MAST4: variants seen among roughly 807,000 people sequenced by gnomAD.
MAST4 encodes the protein microtubule associated serine/threonine kinase family member 4.
Under a neutral mutation model 162.7 loss-of-function variants are expected in MAST4, and 89 were observed. The observed-to-expected ratio is 0.55, with a 90% confidence interval of 0.46 to 0.65. MAST4 has a LOEUF of 0.65. Among genes scored for constraint, MAST4 ranks in the 30% least tolerant of loss-of-function variants. MAST4 has a pLI of 0.00. For missense variants in MAST4, 3,153 were observed against 3,374.0 expected (o/e 0.93, Z 1.62); for synonymous variants, 1,479 against 1,361.1 (o/e 1.09, Z -1.91).
intron 1 of MAST4, among the ~76,000 whole-genome samples, chr5:66,742,981 T>C (rs767195717): frequency 6.6e-6 from 1 of 152,194 alleles, no homozygotes; most frequent in Non-Finnish European, 1.5e-5. Context: ...TAATTGTGAA[T>C]AGTAGCTTGC....
chr5:67,057,407 C>G (rs1247741658), intron 5 of MAST4, among the ~76,000 whole-genome samples: 1 of 151,980 alleles, frequency 6.6e-6, no homozygotes, highest in Non-Finnish European at 1.5e-5. Context: ...TCATCACGGA[C>G]ACATCGTTTG....
chr5:66,968,828 T>A (rs940797282), intron 4 of MAST4, among the ~76,000 whole-genome samples: 1 of 152,216 alleles, frequency 6.6e-6, no homozygotes, highest in Non-Finnish European at 1.5e-5. Flanking sequence ...AGAAAGTCAT[T>A]GTTAATTAAA....
chr5:67,050,193 G>A (rs1757998090), intron 4 of MAST4, among the ~76,000 whole-genome samples: 1 of 152,202 alleles, frequency 6.6e-6, no homozygotes, highest in Non-Finnish European at 1.5e-5. Flanking sequence ...GGGAGGTGCT[G>A]TTGGCAGTAA....
rs796677397 is a variant in MAST4, at chr5:67,030,530, C to T, written c.675-23874C>T. Among the ~76,000 whole-genome samples, 4 of 152,258 alleles carry T rather than the reference C, an allele frequency of 2.6e-5. No individual in the cohort carries two copies. In the South Asian group the frequency reaches 6.2e-4, roughly 24 times the overall value. ...AAATAAATACCTTTTCATTTCTGTA[C>T]ATCACCATTCCAGAGCAGGCCTGGG... On this transcript the variant is annotated intron_variant, in intron 4 of 28. Coordinates refer to ENST00000403625, the MANE Select transcript of MAST4 (RefSeq NM_001164664.2).
At chr5:67,008,390 A>G (rs1287934969) in intron 4 of MAST4, among the ~76,000 whole-genome samples, 1 of 152,150 alleles carries the variant, frequency 6.6e-6, no homozygotes, top group Non-Finnish European at 1.5e-5. Context: ...TTCTTTGCCC[A>G]TTGGATGAAA....
chr5:66,857,345 AC>A (rs1415469028), intron 3 of MAST4, among the ~76,000 whole-genome samples: 3 of 152,224 alleles, frequency 2.0e-5, no homozygotes, highest in African/African-American at 7.2e-5. Flanking sequence ...TTTCACTGTT[AC>A]AAACGATACT....
chr5:66,625,294 G>A (rs762476973), intron 1 of MAST4, among the ~76,000 whole-genome samples: 1 of 152,010 alleles, frequency 6.6e-6, no homozygotes, highest in Non-Finnish European at 1.5e-5. Flanking sequence ...TTCCTTCTGT[G>A]GTCTTTAAGC....
intron 1 of MAST4, among the ~76,000 whole-genome samples, chr5:66,664,435 C>CAAAAAAAAA (rs58704256): frequency 2.1e-5 from 2 of 93,930 alleles, no homozygotes; most frequent in African/African-American, 4.4e-5. Flanking sequence ...AACTCCATTT[C>CAAAAAAAAA]AAAAAAAAAA....
intron 3 of MAST4, among the ~76,000 whole-genome samples, chr5:66,829,355 G>A (rs1757445722): frequency 6.6e-6 from 1 of 152,062 alleles, no homozygotes; most frequent in Admixed American, 6.6e-5. Context: ...TGAAATGAAA[G>A]TTTTTGCTGG....
At chr5:66,602,649 G>A (rs1389036231) in intron 1 of MAST4, among the ~76,000 whole-genome samples, 1 of 152,130 alleles carries the variant, frequency 6.6e-6, no homozygotes. Flanking sequence ...CTTAGAAAAA[G>A]CTGAGTGGGG....
At chr5:66,787,652 A>T (rs1755178570) in intron 2 of MAST4, among the ~76,000 whole-genome samples, 2 of 152,246 alleles carry the variant, frequency 1.3e-5, no homozygotes, top group Non-Finnish European at 2.9e-5. Context: ...CCAGCTACGC[A>T]TGCTGCAATC....
intron 3 of MAST4, among the ~76,000 whole-genome samples, chr5:66,804,082 G>A (rs543002599): frequency 1.3e-5 from 2 of 151,704 alleles, no homozygotes; most frequent in East Asian, 1.9e-4. Flanking sequence ...CAACATTATC[G>A]TGACAAATAT....
chr5:67,125,055 C>A (rs986938414), intron 14 of MAST4, among the ~76,000 whole-genome samples: 3 of 152,096 alleles, frequency 2.0e-5, no homozygotes, highest in African/African-American at 7.2e-5. Flanking sequence ...TCATAATATA[C>A]GTCCAAGGCT....
At chr5:66,922,020 T>C (rs994037207) in intron 4 of MAST4, among the ~76,000 whole-genome samples, 1 of 152,178 alleles carries the variant, frequency 6.6e-6, no homozygotes, top group African/African-American at 2.4e-5. Context: ...TGCTAGACTA[T>C]GTTAAGCCTC....
In MAST4 at chr5:66,847,820, C is replaced by CAAAAAAAA. The variant is rs777825639; in HGVS notation, c.643-52115_643-52108dup. 2.7e-3 allele frequency among the ~76,000 whole-genome samples: 144 copies of CAAAAAAAA among 54,094 alleles called. 7 individuals carry two copies. The highest frequency in any genetic ancestry group is 9.5e-3 in the South Asian group (7 of 734). The allele number at this position is 54,094 out of a possible 152,430, so 35.5% of individuals were successfully genotyped here. ...TGGGTGCTGGAACAAGACTCCTTCTCAAAAAAAAAAAAAAAAAAAAAAAGA... is the reference window on the plus strand; with the variant it reads ...TGGGTGCTGGAACAAGACTCCTTCTCAAAAAAAAAAAAAAAAAAAAAAAAAAAAAAAGA... On this transcript the variant is annotated intron_variant, in intron 3 of 28. Coordinates refer to ENST00000403625, the MANE Select transcript of MAST4 (RefSeq NM_001164664.2).
At position 66,627,372 on chromosome 5, in the gene MAST4, C is replaced by T. The variant is rs573671820; in HGVS notation, c.363+30354C>T. Among the ~76,000 whole-genome samples the T allele has an allele frequency of 2.6e-5, 4 of 152,156 alleles. No homozygotes were observed. In the East Asian group the frequency reaches 7.7e-4, roughly 29 times the overall value. On this transcript the variant is annotated intron_variant, in intron 1 of 28. Transcript: ENST00000403625. ...AAGATTAGATTTGGGTGGGTTCACG[C>T]CAAACCATATGAAGGTTTAAAAGGA...
At chr5:66,682,572 C>A (rs540268139) in intron 1 of MAST4, among the ~76,000 whole-genome samples, 53 of 152,256 alleles carry the variant, frequency 3.5e-4, no homozygotes, top group African/African-American at 1.2e-3. Flanking sequence ...ATCCTTAGAA[C>A]TGTTATGTTA....
At chr5:66,740,603 G>C (rs915553423) in intron 1 of MAST4, among the ~76,000 whole-genome samples, 2 of 152,132 alleles carry the variant, frequency 1.3e-5, no homozygotes, top group African/African-American at 4.8e-5. Context: ...GTTTGTTTTG[G>C]AGGTGATCTT....
chr5:66,827,175 C>A (rs1046206230), intron 3 of MAST4, among the ~76,000 whole-genome samples: 2 of 152,038 alleles, frequency 1.3e-5, no homozygotes, highest in African/African-American at 4.8e-5. Context: ...TTTTAAAAAT[C>A]TTTTTTAAAA....
Sources: allele counts gnomAD v4.1 joint callset (sites outside exome capture counted in the v4.1 genomes callset), GRCh38; gene constraint gnomAD v4.1.1; transcripts MANE v1.5; gene names NCBI Gene and HGNC (gene_info 2026-07-23, HGNC 2026-07-21).